The following CBL variants were observed in gnomAD, a reference collection of about 807,000 sequenced individuals.
CBL encodes the protein Cbl proto-oncogene.
Under a neutral mutation model 96.9 loss-of-function variants are expected in CBL, and 45 were observed. That is an observed-to-expected ratio of 0.46 (90% CI 0.37 to 0.60). The LOEUF (loss-of-function observed/expected upper bound fraction) is 0.60. Ranked by LOEUF, CBL falls within the 20% of genes least tolerant of loss-of-function variation. CBL has a pLI of 0.00. For synonymous variants in CBL, 420 were observed against 426.8 expected, an observed-to-expected ratio of 0.98 and a Z score of 0.20; for missense variants, 1,024 against 1,143.5, an observed-to-expected ratio of 0.90 and a Z score of 1.51.
intron 2 of CBL, among the ~76,000 whole-genome samples, chr11:119,264,640 C>G (rs1299820215): frequency 6.6e-6 from 1 of 151,808 alleles, no homozygotes; most frequent in Non-Finnish European, 1.5e-5. Context: ...TGCCACCATG[C>G]CCAGCTGATT....
chr11:119,299,533 A>G lies in CBL; in HGVS notation c.2473A>G (p.Lys825Glu). The change falls in exon 16 of 16, where the codon AAA becomes GAA. Residue 825 changes from lysine (K) to glutamate (E), a missense_variant. Physicochemically the swap from Lys to Glu is moderately conservative, Grantham distance 56. Transcript: ENST00000264033. ...EGSQVPERPP[K>E]PFPRRINSER... is the part of the protein sequence containing the mutation. The stretch of plus-strand genomic sequence containing the variant: ...TTCCCAAGTTCCCGAGAGGCCTCCA[A>G]AACCATTCCCGCGGAGAATCAACTC... 6.2e-7 allele frequency: 1 copy of G among 1,614,182 alleles called. No individual in the cohort carries two copies.
At chr11:119,206,816 T>G (rs1592364891) in intron 1 of CBL, among the ~76,000 whole-genome samples, 1 of 126,860 alleles carries the variant, frequency 7.9e-6, no homozygotes, top group Non-Finnish European at 1.7e-5. Flanking sequence ...GGGCTGCCGT[T>G]GGGAGTCGGG....
intron 4 of CBL, among the ~76,000 whole-genome samples, chr11:119,274,475 T>G (rs983609204): frequency 2.0e-5 from 3 of 152,238 alleles, no homozygotes; most frequent in African/African-American, 7.2e-5. Context: ...TTCTCTGGTG[T>G]TGTCTGTGCC....
In CBL at chr11:119,291,806, G is replaced by A. The variant is rs142920889; in HGVS notation, c.2036+3860G>A. 1.6e-3 allele frequency among the ~76,000 whole-genome samples: 251 copies of A among 152,268 alleles called. 1 individual carries two copies. The highest frequency in any genetic ancestry group is 0.013 in the East Asian group (65 of 5,190). On this transcript the variant is annotated intron_variant, in intron 12 of 15. Transcript: ENST00000264033. The stretch of plus-strand genomic sequence containing the variant: ...TGCTCTGGGTCCCAGCAGTTTTACT[G>A]TATCTTCCTTTGTGGTTTTGTTTAT...
intron 2 of CBL, among the ~76,000 whole-genome samples, chr11:119,250,135 T>C (rs1949660190): frequency 6.6e-6 from 1 of 152,230 alleles, no homozygotes. Context: ...TTATAAATAC[T>C]CCTAAGCTGT....
chr11:119,298,484 T>C lies in CBL; in HGVS notation c.2378T>C (p.Ile793Thr), dbSNP rs1950078776. ...CTGGCCCGCCGAACTCTCTCAGATA[T>C]CTCTAATGCCAGCTCCTCCTTTGGC... ...AVLARRTLSD[I>T]SNASSSFGWL... Residue 793 changes from isoleucine to threonine, a missense_variant, in exon 15 of 16, where the codon ATC becomes ACC. This residue lies in a region of CBL where 695 missense variants were observed against 661.6 expected (regional missense o/e 1.05). Coordinates refer to ENST00000264033, the MANE Select transcript of CBL (RefSeq NM_005188.4). The C allele has an allele frequency of 2.5e-6, 4 of 1,614,166 alleles. No individual in the cohort carries two copies. The highest frequency in any genetic ancestry group is 2.5e-6 in the Non-Finnish European group (3 of 1,180,036).
intron 2 of CBL, among the ~76,000 whole-genome samples, chr11:119,265,382 A>G (rs935606954): frequency 3.3e-5 from 5 of 152,252 alleles, no homozygotes; most frequent in African/African-American, 1.2e-4. Context: ...CTGTTTTAGA[A>G]TAGATAATAC....
In CBL at chr11:119,276,027, G is replaced by A. The variant is rs1310065294; in HGVS notation, c.900G>A (p.Leu300=). 1 of 1,614,018 alleles carries A rather than the reference G, an allele frequency of 6.2e-7. No individual in the cohort carries two copies. The highest frequency in any genetic ancestry group is 2.2e-5 in the East Asian group (1 of 44,878). Residue 300 remains leucine (L), a synonymous_variant, in exon 6 of 16, where the codon CTG becomes CTA. Coordinates refer to ENST00000264033, the MANE Select transcript of CBL (RefSeq NM_005188.4). ...TCTTCCGGCTGAGCTGTACTCGTCTGGGTCAGTGGGCTATTGGGTATGTTA... is the reference window on the plus strand; with the variant it reads ...TCTTCCGGCTGAGCTGTACTCGTCTAGGTCAGTGGGCTATTGGGTATGTTA... ...SYIFRLSCTR[L]GQWAIGYVTA... is the part of the protein sequence containing the mutation.
chr11:119,295,220 A>G (rs1416509842), intron 12 of CBL, among the ~76,000 whole-genome samples: 1 of 152,226 alleles, frequency 6.6e-6, no homozygotes, highest in Admixed American at 6.5e-5. Flanking sequence ...CATTATAAAT[A>G]ATGCTGCAGT....
chr11:119,246,046 C>T (rs1235195013), intron 2 of CBL, among the ~76,000 whole-genome samples: 4 of 136,972 alleles, frequency 2.9e-5, no homozygotes, highest in Non-Finnish European at 6.1e-5. Context: ...GCGATCTCAG[C>T]TCACTGCAGC....
At chr11:119,292,642 T>C (rs964371372) in intron 12 of CBL, among the ~76,000 whole-genome samples, 2 of 152,112 alleles carry the variant, frequency 1.3e-5, no homozygotes, top group African/African-American at 2.4e-5. Flanking sequence ...CAGGGTGGTC[T>C]CAATCTCCTG....
intron 1 of CBL, among the ~76,000 whole-genome samples, chr11:119,206,880 G>C (rs1026732597): frequency 2.6e-5 from 4 of 152,132 alleles, no homozygotes; most frequent in Admixed American, 1.3e-4. Context: ...GTGGGGGCTG[G>C]GGCGAAGGTT....
chr11:119,264,008 AC>A (rs1949775455), intron 2 of CBL, among the ~76,000 whole-genome samples: 1 of 152,222 alleles, frequency 6.6e-6, no homozygotes, highest in African/African-American at 2.4e-5. Context: ...TTAAGCCTAT[AC>A]CATCACTGAA....
chr11:119,298,289 G>T, intron 14 of CBL, 69 bp from the exon 15 acceptor site: 1 of 1,356,896 alleles, frequency 7.4e-7, no homozygotes, highest in Non-Finnish European at 1.1e-6. Flanking sequence ...ATGAATGGCT[G>T]CCCCGTATTG....
intron 7 of CBL, 27 bp from the exon 8 acceptor site, chr11:119,278,139 T>C: frequency 6.6e-7 from 1 of 1,514,286 alleles, no homozygotes; most frequent in East Asian, 2.3e-5. Flanking sequence ...ATTCAACTAA[T>C]AGTCTTTTAA....
chr11:119,221,350 A>C (rs1421147415), intron 1 of CBL, among the ~76,000 whole-genome samples: 1 of 152,084 alleles, frequency 6.6e-6, no homozygotes, highest in Non-Finnish European at 1.5e-5. Context: ...CTAGGAGTTC[A>C]AGACCAGTCT....
intron 1 of CBL, among the ~76,000 whole-genome samples, chr11:119,217,299 G>A (rs1274216071): frequency 6.6e-6 from 1 of 152,104 alleles, no homozygotes; most frequent in Non-Finnish European, 1.5e-5. Context: ...ATTTTTAGTA[G>A]ACGGGGTTTC....
In CBL at chr11:119,307,409, C is replaced by G. The variant is rs1950152882; in HGVS notation, c.*7628C>G. 4.3e-6 allele frequency: 1 copy of G among 232,884 alleles called. No homozygotes were observed. The highest frequency in any genetic ancestry group is 2.2e-5 in the African/African-American group (1 of 45,262). 14.4% of individuals were successfully genotyped at this position (232,884 alleles called of 1,614,324 possible). A position where few individuals can be genotyped will look rare whatever the true frequency, so the allele number is the denominator to read the frequency against. ...CTTTGTCTTTTCTTTTTGCTGGATC[C>G]TGAACTGGTCTAGACCTCCTGCCCC... On this transcript the variant is annotated 3_prime_UTR_variant, in exon 16 of 16. Transcript: ENST00000264033.
chr11:119,231,648 C>T (rs1305653924), intron 1 of CBL, among the ~76,000 whole-genome samples: 4 of 151,784 alleles, frequency 2.6e-5, no homozygotes, highest in African/African-American at 7.3e-5. Flanking sequence ...GCGGAGGTTG[C>T]GGTGAGCCAA....
Sources: gnomAD v4.1 joint callset for allele counts (sites outside exome capture counted in the v4.1 genomes callset) on GRCh38, gnomAD v4.1.1 for gene constraint, gnomAD v4.1.1 regional missense constraint, MANE v1.5 for transcripts, NCBI Gene and HGNC (gene_info 2026-07-23, HGNC 2026-07-21) for gene names.